The following LARGE1 variants were observed in gnomAD, a reference collection of about 807,000 sequenced individuals.
The protein encoded by LARGE1 is LARGE xylosyl- and glucuronyltransferase 1.
A neutral mutation model predicts 87.6 loss-of-function variants in LARGE1; 43 were observed. That is an observed-to-expected ratio of 0.49 (90% confidence interval 0.38 to 0.63). LARGE1 has a LOEUF of 0.63. Ranked by LOEUF, LARGE1 falls within the 30% of genes least tolerant of loss-of-function variation. The pLI is 0.00. For synonymous variants in LARGE1, 434 were observed against 394.6 expected (o/e 1.10, Z -1.18); for missense variants, 802 against 1,000.2 (o/e 0.80, Z 2.67).
chr22:33,107,080 C>A, the LARGE1 span, among the ~76,000 whole-genome samples: 2 of 152,132 alleles, frequency 1.3e-5, no homozygotes, highest in Non-Finnish European at 2.9e-5. Context: ...ACTTCTAATG[C>A]AAAAGAGTAA....
rs1001723086 is a variant in LARGE1 at position 33,576,140 on chromosome 22, C to A, written c.616-11121G>T. 2.0e-5 allele frequency among the ~76,000 whole-genome samples: 3 copies of A among 152,232 alleles called. No individual in the cohort carries two copies. In the East Asian group the frequency reaches 5.8e-4, roughly 29 times the overall value. On this transcript the variant is annotated intron_variant, in intron 5 of 14. Transcript: ENST00000397394. Reference sequence around the variant, plus strand: ...ATTTTAGAAGCTGCAATTCTTATTACCGTGCACAGTATGTATTTATGTATG... The same window carrying A: ...ATTTTAGAAGCTGCAATTCTTATTAACGTGCACAGTATGTATTTATGTATG...
intron 9 of LARGE1, among the ~76,000 whole-genome samples, chr22:33,344,974 C>A (rs992105063): frequency 5.3e-5 from 8 of 152,088 alleles, no homozygotes; most frequent in African/African-American, 1.9e-4. Flanking sequence ...GGAGAATGCA[C>A]CCAAAATAGA....
At chr22:33,175,079 C>T (rs553168248) in intron 11 of LARGE1, among the ~76,000 whole-genome samples, 10 of 152,180 alleles carry the variant, frequency 6.6e-5, no homozygotes, top group Non-Finnish European at 1.0e-4. Flanking sequence ...TGTGAAAATC[C>T]TCAATAAAAT....
the LARGE1 span, among the ~76,000 whole-genome samples, chr22:33,078,161 G>A: frequency 6.6e-6 from 1 of 152,142 alleles, no homozygotes; most frequent in East Asian, 1.9e-4. Flanking sequence ...GAAAAAAAAT[G>A]CTGAGTGCTT....
chr22:33,749,398 C>CCACA (rs1377646350), intron 2 of LARGE1, among the ~76,000 whole-genome samples: 1 of 152,198 alleles, frequency 6.6e-6, no homozygotes, highest in Non-Finnish European at 1.5e-5. Context: ...CAGCTGTGAG[C>CCACA]CACAGCGCCC....
At chr22:33,727,095 G>GT (rs2083294713) in intron 2 of LARGE1, among the ~76,000 whole-genome samples, 1 of 152,194 alleles carries the variant, frequency 6.6e-6, no homozygotes, top group Non-Finnish European at 1.5e-5. Flanking sequence ...GAAGGTCAAG[G>GT]TGACAGGGGG....
At chr22:33,720,483 A>G (rs114638497) in intron 2 of LARGE1, among the ~76,000 whole-genome samples, 3,110 of 152,234 alleles carry the variant, frequency 0.02, 94 homozygotes, top group African/African-American at 0.071. Context: ...CTAGGTGTAC[A>G]CTCTATGATA....
chr22:33,079,355 C>A, the LARGE1 span, among the ~76,000 whole-genome samples: 2 of 150,058 alleles, frequency 1.3e-5, no homozygotes, highest in African/African-American at 4.9e-5. Flanking sequence ...AGCCTCCCAA[C>A]TAGCTGGGAC....
chr22:33,559,970 G>A (rs1439010120), intron 6 of LARGE1, among the ~76,000 whole-genome samples: 4 of 152,014 alleles, frequency 2.6e-5, no homozygotes, highest in Non-Finnish European at 4.4e-5. Context: ...GTTCTTTCAC[G>A]AATCTAACTT....
intron 11 of LARGE1, among the ~76,000 whole-genome samples, chr22:33,209,084 C>T (rs534030082): frequency 5.4e-4 from 82 of 152,260 alleles, no homozygotes; most frequent in African/African-American, 1.9e-3. Context: ...TGGGTGTATA[C>T]CCAGTAATGG....
At chr22:33,730,999 A>ATT (rs376692050) in intron 2 of LARGE1, among the ~76,000 whole-genome samples, 27 of 115,958 alleles carry the variant, frequency 2.3e-4, no homozygotes, top group East Asian at 7.9e-4. Context: ...CCAGCCTGCA[A>ATT]TTTTTTTTTT....
At chr22:33,684,484 T>A (rs559969844) in intron 2 of LARGE1, among the ~76,000 whole-genome samples, 47 of 151,970 alleles carry the variant, frequency 3.1e-4, no homozygotes, top group African/African-American at 1.1e-3. Flanking sequence ...ACCTTTCCTT[T>A]GAGAATGAAT....
the LARGE1 span, among the ~76,000 whole-genome samples, chr22:33,097,873 C>T: frequency 6.6e-6 from 1 of 152,184 alleles, no homozygotes. Flanking sequence ...TTCTGGCACA[C>T]ATCAAGAACT....
chr22:33,142,168 G>C, the LARGE1 span, among the ~76,000 whole-genome samples: 12 of 152,308 alleles, frequency 7.9e-5, no homozygotes, highest in South Asian at 2.5e-3. Context: ...GCAATGTTCA[G>C]CTCTGTCTGC....
chr22:33,544,964 G>GT (rs1234843614), intron 6 of LARGE1, among the ~76,000 whole-genome samples: 1 of 152,120 alleles, frequency 6.6e-6, no homozygotes, highest in African/African-American at 2.4e-5. Flanking sequence ...CAGAAAAACA[G>GT]TCATTCTGCT....
At position 33,273,059 on chromosome 22, in the gene LARGE1, C is replaced by A. The variant is rs1162969620; in HGVS notation, c.*1368G>T. On this transcript the variant is annotated 3_prime_UTR_variant, in exon 15 of 15. Transcript: ENST00000397394. ...CAAGGTGTGTCTCAGTAGCTTCCTG[C>A]AAGAGTGGGAGGGGAATGGGGAAGA... is the stretch of plus-strand genomic sequence containing the variant. The A allele has an allele frequency of 1.5e-5, 3 of 199,476 alleles. No individual in the cohort carries two copies. The allele number at this position is 199,476 out of a possible 1,614,324, so 12.4% of individuals were successfully genotyped here. A position where few individuals can be genotyped will look rare whatever the true frequency, so the allele number is the denominator to read the frequency against.
intron 7 of LARGE1, among the ~76,000 whole-genome samples, chr22:33,389,526 G>A (rs189819196): frequency 1.1e-3 from 166 of 152,340 alleles, no homozygotes; most frequent in African/African-American, 3.9e-3. Flanking sequence ...GAGCAAGAGA[G>A]TGACTACAAC....
intron 7 of LARGE1, among the ~76,000 whole-genome samples, chr22:33,403,878 G>A (rs1016286752): frequency 3.3e-5 from 5 of 152,164 alleles, no homozygotes; most frequent in East Asian, 1.9e-4. Flanking sequence ...GATTACAGGC[G>A]TGAGCCACCG....
chr22:33,725,053 A>C (rs189673934), intron 2 of LARGE1: 1 of 153,122 alleles, frequency 6.5e-6, no homozygotes, highest in East Asian at 1.9e-4. Context: ...GCATTCCCAG[A>C]AGCGGGGCCA....
Sources: gnomAD v4.1 joint callset for allele counts (sites outside exome capture counted in the v4.1 genomes callset) on GRCh38, gnomAD v4.1.1 for gene constraint, MANE v1.5 for transcripts, NCBI Gene and HGNC (gene_info 2026-07-23, HGNC 2026-07-21) for gene names.